Variants in FOCAD observed in about 807,000 individuals in gnomAD.
FOCAD encodes the protein KIAA1797.
Under a neutral mutation model 225.6 loss-of-function variants are expected in FOCAD, and 198 were observed. That is an observed-to-expected ratio of 0.88 (90% CI 0.78 to 0.99). The LOEUF is 0.99. Among genes scored for constraint, FOCAD ranks in the 50% least tolerant of loss-of-function variants. FOCAD has a pLI of 0.00. For synonymous variants in FOCAD, 897 were observed against 755.0 expected (o/e 1.19, Z -3.08); for missense variants, 2,713 against 2,123.6 (o/e 1.28, Z -5.46).
intron 2 of FOCAD, among the ~76,000 whole-genome samples, chr9:20,666,902 A>T (rs973304777): frequency 3.9e-5 from 6 of 152,256 alleles, no homozygotes; most frequent in Non-Finnish European, 8.8e-5. Context: ...ATAAATCCAT[A>T]AATTATTTTT....
At chr9:20,823,414 T>C (rs1236634520) in intron 15 of FOCAD, among the ~76,000 whole-genome samples, 4 of 152,066 alleles carry the variant, frequency 2.6e-5, no homozygotes, top group Non-Finnish European at 5.9e-5. Context: ...AGGAGAACTC[T>C]AGAATATAGT....
intron 6 of FOCAD, among the ~76,000 whole-genome samples, chr9:20,761,489 C>A (rs13291925): frequency 6.6e-6 from 1 of 151,774 alleles, no homozygotes; most frequent in African/African-American, 2.4e-5. Flanking sequence ...GGTGCAATCT[C>A]GGCTCATTGC....
intron 15 of FOCAD, among the ~76,000 whole-genome samples, chr9:20,855,457 TAAAA>T (rs926428295): frequency 6.6e-6 from 1 of 151,514 alleles, no homozygotes; most frequent in Non-Finnish European, 1.5e-5. Flanking sequence ...TATTTAAAAT[TAAAA>T]AAATTTAGTT....
chr9:20,925,236 A>G lies in FOCAD; in HGVS notation c.2962-1065A>G, dbSNP rs548499687. ...TCAGAGAGCCATGGAATATTTTAGC[A>G]GAGGCAACATGCTGCATAGATCTAC... On this transcript the variant is annotated intron_variant, in intron 25 of 43. Coordinates refer to ENST00000338382, the MANE Select transcript of FOCAD (RefSeq NM_001375567.1). Among the ~76,000 whole-genome samples the G allele has an allele frequency of 2.6e-5, 4 of 152,362 alleles. No individual in the cohort carries two copies. In the South Asian group the frequency reaches 8.3e-4, roughly 32 times the overall value.
chr9:20,910,618 T>C (rs1003561299), intron 22 of FOCAD, among the ~76,000 whole-genome samples: 2 of 152,078 alleles, frequency 1.3e-5, no homozygotes, highest in Admixed American at 1.3e-4. Flanking sequence ...CATTGGAATC[T>C]ACAGGCAATC....
At chr9:20,673,621 G>A (rs1018536670) in intron 2 of FOCAD, among the ~76,000 whole-genome samples, 2 of 151,920 alleles carry the variant, frequency 1.3e-5, no homozygotes, top group Non-Finnish European at 2.9e-5. Context: ...TTGAGACAGG[G>A]TCTCACTCTG....
rs895783490 is a variant in FOCAD, at chr9:20,838,026, T to C, written c.1920+14911T>C. ...AGACTGGTAAGTCTTTTCATAGTTA[T>C]ATAATTTATCAGAAAGCCTCACTAG... On this transcript the variant is annotated intron_variant, in intron 15 of 43. Transcript: ENST00000338382. Among the ~76,000 whole-genome samples, 3 of 152,166 alleles carry C rather than the reference T, an allele frequency of 2.0e-5. 1 individual carries two copies. Among genetic ancestry groups the C allele is most frequent in the South Asian group, 4.1e-4 (2 of 4,830 alleles).
rs143310445 is a variant in FOCAD, at chr9:20,702,598, C to T, written c.-32-12724C>T. 4.6e-5 allele frequency among the ~76,000 whole-genome samples: 7 copies of T among 152,290 alleles called. No homozygotes were observed. In the East Asian group the frequency reaches 1.2e-3, roughly 25 times the overall value. Reference sequence around the variant, plus strand: ...ATAAAGTTAATAGTAGTACTTATGTCATGAGGTTGTTTTGAATATCGAGTG... The same window carrying T: ...ATAAAGTTAATAGTAGTACTTATGTTATGAGGTTGTTTTGAATATCGAGTG... On this transcript the variant is annotated intron_variant, in intron 1 of 43. Transcript: ENST00000338382.
intron 19 of FOCAD, among the ~76,000 whole-genome samples, chr9:20,878,881 G>A (rs565508948): frequency 3.3e-4 from 50 of 152,304 alleles, no homozygotes; most frequent in African/African-American, 1.2e-3. Flanking sequence ...TGAAAGTCCT[G>A]TAGTTTAAAG....
chr9:20,741,830 A>T (rs1439004628), intron 5 of FOCAD, among the ~76,000 whole-genome samples: 1 of 152,138 alleles, frequency 6.6e-6, no homozygotes, highest in Non-Finnish European at 1.5e-5. Flanking sequence ...CTTTTTAAAA[A>T]GAAATTCAAA....
intron 11 of FOCAD, among the ~76,000 whole-genome samples, chr9:20,818,708 A>G (rs1293299407): frequency 1.3e-5 from 2 of 151,852 alleles, no homozygotes; most frequent in Non-Finnish European, 2.9e-5. Flanking sequence ...TGGACTCTGA[A>G]TTCTATTTCA....
intron 4 of FOCAD, among the ~76,000 whole-genome samples, chr9:20,733,208 T>C (rs1826858037): frequency 6.6e-6 from 1 of 152,190 alleles, no homozygotes; most frequent in Non-Finnish European, 1.5e-5. Context: ...CTCAGAAATC[T>C]GCTTTTTCAA....
intron 18 of FOCAD, among the ~76,000 whole-genome samples, chr9:20,870,474 C>G (rs1408695260): frequency 6.6e-6 from 1 of 152,128 alleles, no homozygotes. Flanking sequence ...CAGATGGTCC[C>G]CAACTACGAT....
intron 37 of FOCAD, among the ~76,000 whole-genome samples, chr9:20,979,184 G>A (rs1435381836): frequency 1.3e-5 from 2 of 152,242 alleles, no homozygotes; most frequent in Non-Finnish European, 2.9e-5. Context: ...AGGTTTACCA[G>A]TTGATGTAAG....
intron 28 of FOCAD, among the ~76,000 whole-genome samples, chr9:20,933,675 A>G (rs1423372116): frequency 6.6e-6 from 1 of 152,222 alleles, no homozygotes; most frequent in African/African-American, 2.4e-5. Context: ...TGCTATAAAC[A>G]TGCATGTGAA....
chr9:20,961,016 C>T (rs549683623), intron 35 of FOCAD, among the ~76,000 whole-genome samples: 43 of 151,946 alleles, frequency 2.8e-4, no homozygotes, highest in Non-Finnish European at 4.9e-4. Context: ...GGGTTGGTTC[C>T]AAGTCTTTGC....
chr9:20,740,615 A>T (rs974479408), intron 5 of FOCAD, among the ~76,000 whole-genome samples: 1 of 152,174 alleles, frequency 6.6e-6, no homozygotes, highest in African/African-American at 2.4e-5. Context: ...TTACTCTAGA[A>T]TATGTAACCA....
At chr9:20,875,011 T>C in intron 19 of FOCAD, 2 of 578,282 alleles carry the variant, frequency 3.5e-6, no homozygotes, top group Non-Finnish European at 5.9e-6. Flanking sequence ...TACATCTGAG[T>C]AGGATTGAAC....
intron 28 of FOCAD, among the ~76,000 whole-genome samples, chr9:20,936,833 C>T (rs768318875): frequency 6.6e-6 from 1 of 152,190 alleles, no homozygotes; most frequent in African/African-American, 2.4e-5. Context: ...AAAACCCCAT[C>T]GTGTCAGCCC....
Sources: gnomAD v4.1 joint callset for allele counts (sites outside exome capture counted in the v4.1 genomes callset) on GRCh38, gnomAD v4.1.1 for gene constraint, MANE v1.5 for transcripts, NCBI Gene and HGNC (gene_info 2026-07-23, HGNC 2026-07-21) for gene names.